Variants in VCL observed in about 807,000 individuals in gnomAD.
VCL encodes the protein vinculin.
In VCL, 47 loss-of-function variants were observed where a neutral mutation model predicts 125.7. That is an observed-to-expected ratio of 0.37 (90% CI 0.30 to 0.48). The LOEUF (loss-of-function observed/expected upper bound fraction) is 0.48. Among genes scored for constraint, VCL ranks in the 20% least tolerant of loss-of-function variants. The probability of loss-of-function intolerance (pLI) is 0.99; values close to 1 mark genes in which losing one functional copy is unlikely to be tolerated. For missense variants in VCL, 1,069 were observed against 1,455.5 expected (o/e 0.73, Z 4.32); for synonymous variants, 458 against 514.6 (o/e 0.89, Z 1.49).
chr10:74,101,875 T>C (rs2131924170), intron 14 of VCL, among the ~76,000 whole-genome samples: 1 of 151,482 alleles, frequency 6.6e-6, no homozygotes, highest in Non-Finnish European at 1.5e-5. Context: ...TTTTTTTTTT[T>C]TTTTTGAGGG....
chr10:74,083,605 T>C, intron 8 of VCL, 92 bp downstream of exon 8: 2 of 1,496,354 alleles, frequency 1.3e-6, no homozygotes, highest in Non-Finnish European at 1.8e-6. Flanking sequence ...TTTTGAGTTA[T>C]CTCTTTGGCT....
At chr10:74,002,885 A>C (rs1261872717) in intron 1 of VCL, among the ~76,000 whole-genome samples, 1 of 150,860 alleles carries the variant, frequency 6.6e-6, no homozygotes, top group African/African-American at 2.4e-5. Context: ...TGTCTCAAAA[A>C]AAAAAAAAAA....
At chr10:74,031,717 G>A (rs950478810) in intron 1 of VCL, among the ~76,000 whole-genome samples, 7 of 152,100 alleles carry the variant, frequency 4.6e-5, no homozygotes, top group Admixed American at 6.5e-5. Flanking sequence ...CCAGAAGTTC[G>A]AGATCAGCCT....
intron 16 of VCL, among the ~76,000 whole-genome samples, chr10:74,106,041 C>T (rs1389990137): frequency 6.6e-6 from 1 of 151,736 alleles, no homozygotes; most frequent in Non-Finnish European, 1.5e-5. Context: ...CTGCCCCAGC[C>T]TCCTGAGTAG....
rs570038087 is a variant in VCL at position 73,998,751 on chromosome 10, C to T, written c.168+376C>T. ...CTGCCCCGCGCAGGCTTCGCCCCCA[C>T]GTTGACTTCCTCGCTCTCAGCGCCT... On this transcript the variant is annotated intron_variant, in intron 1 of 21. Coordinates refer to ENST00000211998, the MANE Select transcript of VCL (RefSeq NM_014000.3). Among the ~76,000 whole-genome samples the T allele has an allele frequency of 3.3e-3, 503 of 152,364 alleles. 3 individuals are homozygous for T. Among genetic ancestry groups the T allele is most frequent in the Non-Finnish European group, 5.5e-3 (375 of 68,032 alleles).
At chr10:74,064,449 A>T (rs1841532960) in intron 2 of VCL, among the ~76,000 whole-genome samples, 1 of 151,924 alleles carries the variant, frequency 6.6e-6, no homozygotes, top group Non-Finnish European at 1.5e-5. Context: ...TCTGTCACCC[A>T]CACTGGAGTG....
rs1839510139 is a variant in VCL, at chr10:74,072,921, T to C, written c.622+69T>C. On this transcript the variant is annotated intron_variant, in intron 5 of 21. Coordinates refer to ENST00000211998, the MANE Select transcript of VCL (RefSeq NM_014000.3). Reference sequence around the variant, plus strand: ...AGCATGTTCTAAACTCTGAGGTTCATTTTGTTTTCTTTTGTTTTCTTTTCT... The same window carrying C: ...AGCATGTTCTAAACTCTGAGGTTCACTTTGTTTTCTTTTGTTTTCTTTTCT... 4 of 1,575,934 alleles carry C rather than the reference T, an allele frequency of 2.5e-6. No homozygotes were observed. The South Asian group carries it at 4.7e-5, about 18-fold the overall frequency.
intron 1 of VCL, among the ~76,000 whole-genome samples, chr10:74,023,266 G>A (rs1840706969): frequency 6.6e-6 from 1 of 152,096 alleles, no homozygotes; most frequent in South Asian, 2.1e-4. Context: ...ACTTACAATC[G>A]TGTTACAGTT....
At chr10:74,102,901 C>T (rs1840081070) in intron 14 of VCL, among the ~76,000 whole-genome samples, 1 of 151,420 alleles carries the variant, frequency 6.6e-6, no homozygotes, top group Non-Finnish European at 1.5e-5. Flanking sequence ...GAGTCTTGCT[C>T]TGTTGCCCAG....
intron 1 of VCL, among the ~76,000 whole-genome samples, chr10:74,020,660 G>C (rs371549001): frequency 3.9e-5 from 6 of 152,106 alleles, no homozygotes; most frequent in African/African-American, 1.4e-4. Context: ...GGGCAACATG[G>C]CGAAACCCTG....
At chr10:74,068,956 A>G (rs540979121) in intron 2 of VCL, among the ~76,000 whole-genome samples, 120 of 138,206 alleles carry the variant, frequency 8.7e-4, no homozygotes, top group African/African-American at 4.0e-3. Context: ...ATTAAAAAGA[A>G]CAAAATATCC....
At chr10:74,113,339 C>A (rs138540459) in intron 19 of VCL, among the ~76,000 whole-genome samples, 254 of 152,314 alleles carry the variant, frequency 1.7e-3, no homozygotes, top group African/African-American at 5.5e-3. Context: ...AACTGCCATT[C>A]CTTGGAGTGA....
rs780831788 is a variant in VCL at position 74,105,369 on chromosome 10, C to A, written c.2434+16C>A. 21 of 1,611,834 alleles carry A rather than the reference C, an allele frequency of 1.3e-5. No homozygotes were observed. The highest frequency in any genetic ancestry group is 1.7e-5 in the Non-Finnish European group (20 of 1,179,874). On this transcript the variant is annotated intron_variant, in intron 16 of 21. Coordinates refer to ENST00000211998, the MANE Select transcript of VCL (RefSeq NM_014000.3). The stretch of plus-strand genomic sequence containing the variant: ...TCCGACCCTGGTAAGCAATGCATGG[C>A]ACTATGTCTCACCTCCACTGAGAGG...
At chr10:74,099,129 T>G (rs1840012670) in intron 13 of VCL, among the ~76,000 whole-genome samples, 1 of 152,176 alleles carries the variant, frequency 6.6e-6, no homozygotes, top group Non-Finnish European at 1.5e-5. Context: ...AGGCCATCAA[T>G]CAAATAAAAA....
chr10:74,083,564 CAG>C (rs1839714677), intron 8 of VCL, 51 bp downstream of exon 8: 1 of 1,601,814 alleles, frequency 6.2e-7, no homozygotes, highest in Non-Finnish European at 8.5e-7. Context: ...TCACTCCTAA[CAG>C]GGTGATTCAG....
chr10:74,103,238 A>G (rs1840086461), intron 14 of VCL, among the ~76,000 whole-genome samples: 1 of 152,252 alleles, frequency 6.6e-6, no homozygotes, highest in Non-Finnish European at 1.5e-5. Context: ...AATGGACTCT[A>G]TTTGGATTAA....
At position 74,112,069 on chromosome 10, in the gene VCL, C is replaced by A. The variant is rs534101808; in HGVS notation, c.2906C>A (p.Ala969Glu). 3 of 1,614,052 alleles carry A rather than the reference C, an allele frequency of 1.9e-6. No individual in the cohort carries two copies. Among genetic ancestry groups the A allele is most frequent in the Non-Finnish European group, 2.5e-6 (3 of 1,180,032 alleles). ...NQPVNQPILA[A>E]AQSLHREATK... ...CCGGTCAACCAGCCCATTCTGGCCGCGGCTCAGTCCTTGCATCGGGAAGCT... is the reference window on the plus strand; with the variant it reads ...CCGGTCAACCAGCCCATTCTGGCCGAGGCTCAGTCCTTGCATCGGGAAGCT... The change falls in exon 19 of 22, where the codon GCG (alanine) becomes GAG (glutamate). Residue 969 changes from alanine to glutamate, a missense_variant. Physicochemically the swap from Ala to Glu is moderately radical, Grantham distance 107. Transcript: ENST00000211998.
intron 2 of VCL, among the ~76,000 whole-genome samples, chr10:74,049,201 G>GT (rs1326851438): frequency 3.3e-5 from 5 of 151,358 alleles, no homozygotes; most frequent in Admixed American, 6.6e-5. Flanking sequence ...TTCTCATTAT[G>GT]TTTTTTTTTA....
chr10:74,045,430 C>T (rs1051359021), intron 2 of VCL, among the ~76,000 whole-genome samples: 3 of 151,908 alleles, frequency 2.0e-5, no homozygotes, highest in Non-Finnish European at 2.9e-5. Flanking sequence ...CGAGATCAGC[C>T]TGGCCAACAT....
Sources: allele counts gnomAD v4.1 joint callset (sites outside exome capture counted in the v4.1 genomes callset), GRCh38; gene constraint gnomAD v4.1.1; transcripts MANE v1.5; gene names NCBI Gene and HGNC (gene_info 2026-07-23, HGNC 2026-07-21).